Variants in CDH2 observed in about 807,000 individuals in gnomAD.
The protein encoded by CDH2 is cadherin 2.
CDH2 carries 17 observed loss-of-function variants against 92.0 expected under a neutral mutation model. The ratio of observed to expected loss-of-function variants is 0.18; its 90% CI spans 0.13 to 0.28. The LOEUF is 0.28. CDH2 is among the 10% of genes least tolerant of loss of function. CDH2 has a pLI of 1.00. For synonymous variants in CDH2, 419 were observed against 415.9 expected (o/e 1.01, Z -0.09); for missense variants, 862 against 1,133.1 (o/e 0.76, Z 3.44).
At chr18:28,171,569 A>T (rs1308021907) in intron 1 of CDH2, among the ~76,000 whole-genome samples, 1 of 152,192 alleles carries the variant, frequency 6.6e-6, no homozygotes, top group Non-Finnish European at 1.5e-5. Flanking sequence ...ATTCAGGCAT[A>T]TAAAAAATAT....
intron 2 of CDH2, among the ~76,000 whole-genome samples, chr18:28,085,099 A>G (rs2014901520): frequency 2.0e-5 from 3 of 152,058 alleles, no homozygotes; most frequent in Admixed American, 2.0e-4. Flanking sequence ...TTACTTCCCA[A>G]TTGAGTTCTT....
intron 2 of CDH2, among the ~76,000 whole-genome samples, chr18:28,052,176 C>T (rs1434446242): frequency 6.6e-6 from 1 of 152,058 alleles, no homozygotes; most frequent in African/African-American, 2.4e-5. Flanking sequence ...GAGTACATTT[C>T]CTCCAAAAAA....
Position 27,974,039 on chromosome 18 carries a change from A to G in CDH2, c.2349+8905T>C, listed in dbSNP as rs114220810. 8.2e-3 allele frequency among the ~76,000 whole-genome samples: 1,245 copies of G among 152,330 alleles called. 16 individuals carry two copies. Among genetic ancestry groups the G allele is most frequent in the African/African-American group, 0.028 (1,154 of 41,586 alleles). On this transcript the variant is annotated intron_variant, in intron 14 of 15. Transcript: ENST00000269141. ...TAGACTTAGGTCACTGAAATTTTAG[A>G]GTCTGTTACAGCGGCTAGCCTATTT...
intron 2 of CDH2, among the ~76,000 whole-genome samples, chr18:28,049,622 C>A (rs1018577297): frequency 2.6e-5 from 4 of 152,136 alleles, no homozygotes; most frequent in African/African-American, 9.7e-5. Context: ...GGAAACAAAG[C>A]AAATGGATTA....
chr18:28,022,027 T>C (rs1253984703), intron 2 of CDH2, among the ~76,000 whole-genome samples: 1 of 151,542 alleles, frequency 6.6e-6, no homozygotes, highest in African/African-American at 2.4e-5. Flanking sequence ...GGGAGGAAGG[T>C]AGGGAGAAAC....
chr18:28,089,228 C>CT (rs2014993324), intron 2 of CDH2, among the ~76,000 whole-genome samples: 1 of 152,104 alleles, frequency 6.6e-6, no homozygotes, highest in Admixed American at 6.5e-5. Flanking sequence ...GACTCTCTAC[C>CT]AGATGAGGAC....
intron 2 of CDH2, among the ~76,000 whole-genome samples, chr18:28,029,898 T>A (rs1164051369): frequency 6.6e-6 from 1 of 152,160 alleles, no homozygotes; most frequent in East Asian, 1.9e-4. Context: ...ATTTTCACAT[T>A]TAATTCTCCC....
At chr18:27,947,690 T>A (rs1186620455), downstream of CDH2, among the ~76,000 whole-genome samples, 1 of 147,292 alleles carries the variant, frequency 6.8e-6, no homozygotes, top group African/African-American at 2.4e-5. Context: ...GTGATATAAG[T>A]GTATATGATG....
At chr18:27,979,723 G>A (rs2011976439) in intron 14 of CDH2, among the ~76,000 whole-genome samples, 2 of 151,600 alleles carry the variant, frequency 1.3e-5, no homozygotes, top group South Asian at 4.2e-4. Flanking sequence ...CCGACTGTTT[G>A]ATATCCATTT....
intron 14 of CDH2, among the ~76,000 whole-genome samples, chr18:27,966,731 T>C (rs1306022454): frequency 1.3e-5 from 2 of 152,216 alleles, no homozygotes; most frequent in Non-Finnish European, 2.9e-5. Flanking sequence ...ACTTACATAA[T>C]AGCAAATAAT....
At chr18:28,171,888 A>G (rs1568026436) in intron 1 of CDH2, among the ~76,000 whole-genome samples, 1 of 152,168 alleles carries the variant, frequency 6.6e-6, no homozygotes, top group Non-Finnish European at 1.5e-5. Flanking sequence ...TGCCCTGGAC[A>G]CTAGCTCTTG....
chr18:27,964,585 T>C (rs2011491366), intron 14 of CDH2, among the ~76,000 whole-genome samples: 2 of 152,212 alleles, frequency 1.3e-5, no homozygotes, highest in South Asian at 4.1e-4. Context: ...TTAAAACCTT[T>C]TGCAGTTATC....
At chr18:28,129,321 T>C (rs1453387916) in intron 2 of CDH2, among the ~76,000 whole-genome samples, 9 of 152,234 alleles carry the variant, frequency 5.9e-5, no homozygotes, top group African/African-American at 1.7e-4. Context: ...CATAACCACC[T>C]GCATATAAAA....
At chr18:28,064,572 G>A (rs1401527174) in intron 2 of CDH2, among the ~76,000 whole-genome samples, 2 of 151,702 alleles carry the variant, frequency 1.3e-5, no homozygotes, top group Non-Finnish European at 2.9e-5. Context: ...AATAGGTATA[G>A]AGACTAAAAC....
At chr18:28,100,106 T>C (rs952360627) in intron 2 of CDH2, among the ~76,000 whole-genome samples, 1 of 152,186 alleles carries the variant, frequency 6.6e-6, no homozygotes, top group Non-Finnish European at 1.5e-5. Flanking sequence ...CGGTTAATTT[T>C]ATGGGTCAAT....
chr18:28,045,926 C>T (rs768660688), intron 2 of CDH2, among the ~76,000 whole-genome samples: 4 of 152,202 alleles, frequency 2.6e-5, no homozygotes, highest in Non-Finnish European at 4.4e-5. Context: ...AGTCTGTAGA[C>T]ATTCAGCTCA....
chr18:27,961,602 A>G (rs2011405809), intron 15 of CDH2, among the ~76,000 whole-genome samples: 1 of 152,106 alleles, frequency 6.6e-6, no homozygotes, highest in African/African-American at 2.4e-5. Flanking sequence ...GAATGTGGGG[A>G]CGTGAGGGGT....
At chr18:28,161,580 GAAAAAAAAAAA>G (rs35615619) in intron 1 of CDH2, among the ~76,000 whole-genome samples, 1 of 49,788 alleles carries the variant, frequency 2.0e-5, no homozygotes, top group East Asian at 6.1e-4. Flanking sequence ...ACCCTGTCTC[GAAAAAAAAAAA>G]AAAAAAAAAA....
intron 15 of CDH2, among the ~76,000 whole-genome samples, chr18:27,958,628 T>C (rs2011317672): frequency 6.6e-6 from 1 of 151,732 alleles, no homozygotes; most frequent in Non-Finnish European, 1.5e-5. Context: ...TATGTGTATA[T>C]GTGATATATG....
Sources: gnomAD v4.1 joint callset for allele counts (sites outside exome capture counted in the v4.1 genomes callset) on GRCh38, gnomAD v4.1.1 for gene constraint, MANE v1.5 for transcripts, NCBI Gene and HGNC (gene_info 2026-07-23, HGNC 2026-07-21) for gene names.